Variants in SH2B2 observed in about 807,000 individuals in gnomAD.
SH2B2 encodes SH2B adapter protein 2.
Under a neutral mutation model 35.7 loss-of-function variants are expected in SH2B2, and 37 were observed. The ratio of observed to expected loss-of-function variants is 1.04; its 90% confidence interval spans 0.80 to 1.36. The LOEUF (loss-of-function observed/expected upper bound fraction) is 1.36, where lower values mean the gene tolerates loss of function less well. Ranked by LOEUF, SH2B2 falls within the 40% of genes most tolerant of loss-of-function variation. SH2B2 has a pLI of 0.00. For missense variants in SH2B2, 852 were observed against 817.7 expected (o/e 1.04, Z -0.51); for synonymous variants, 383 against 376.4 (o/e 1.02, Z -0.20).
At position 102,321,363 on chromosome 7, in the gene SH2B2, G is replaced by C. The variant is rs551876946; in HGVS notation, c.1632G>C (p.Gln544His). ...SPACWSDSPGQHYFSSLAAAA... is the reference protein window; with the variant it reads ...SPACWSDSPGHHYFSSLAAAA... ...CCTGCTGGAGCGACTCGCCCGGCCA[G>C]CACTACTTCTCCAGCCTCGCCGCGG... is the stretch of plus-strand genomic sequence containing the variant. Residue 544 changes from glutamine (Q) to histidine (H), a missense_variant, in exon 9 of 9, where the codon CAG (glutamine) becomes CAC (histidine). Gln to His is a conservative substitution (Grantham distance 24). Around this residue, in one of 3 missense-constraint regions of SH2B2, gnomAD observed 556 missense variants for 514.5 expected, o/e 1.08. Transcript: ENST00000444095. 415 of 1,433,072 alleles carry C rather than the reference G, an allele frequency of 2.9e-4. 6 individuals carry two copies. In the South Asian group the frequency reaches 3.3e-3, roughly 11 times the overall value. 88.8% of individuals were successfully genotyped at this position (1,433,072 alleles called of 1,614,324 possible). A position where few individuals can be genotyped will look rare whatever the true frequency, so the allele number is the denominator to read the frequency against.
rs1012795486 is a variant in SH2B2 at position 102,321,208 on chromosome 7, G to T, written c.1568-91G>T. ...TGGGCTGCAACTCGGAAACCTGAGC[G>T]TGGGCCCTGGCCCCTTGAGGGATCC... On this transcript the variant is annotated intron_variant, in intron 8 of 8. Transcript: ENST00000444095. 4.6e-5 allele frequency: 52 copies of T among 1,124,012 alleles called. No homozygotes were observed. The African/African-American group carries it at 7.6e-4, about 16-fold the overall frequency. The allele number at this position is 1,124,012 out of a possible 1,614,324, so 69.6% of individuals were successfully genotyped here.
chr7:102,313,072 A>G (rs1411145409), intron 4 of SH2B2, among the ~76,000 whole-genome samples: 8 of 148,720 alleles, frequency 5.4e-5, no homozygotes. Flanking sequence ...CAGAGGTTGC[A>G]GTGAGCCAGG....
chr7:102,304,201 G>A (rs767676778), intron 2 of SH2B2, among the ~76,000 whole-genome samples: 1 of 152,182 alleles, frequency 6.6e-6, no homozygotes, highest in Non-Finnish European at 1.5e-5. Flanking sequence ...CCTTGGAGCA[G>A]TCAGGAGCTC....
intron 4 of SH2B2, chr7:102,309,124 G>A (rs782752160): frequency 1.2e-5 from 8 of 661,204 alleles, no homozygotes; most frequent in Admixed American, 2.1e-5. Context: ...TGGGGCCAGG[G>A]CCTGGGGACC....
intron 1 of SH2B2, among the ~76,000 whole-genome samples, chr7:102,290,757 G>A (rs1792645257): frequency 1.3e-5 from 2 of 152,242 alleles, no homozygotes. Context: ...GGTTTTAACA[G>A]GGGCATGGCC....
intron 1 of SH2B2, among the ~76,000 whole-genome samples, chr7:102,288,594 G>A (rs1176420638): frequency 6.6e-6 from 1 of 152,130 alleles, no homozygotes; most frequent in Non-Finnish European, 1.5e-5. Flanking sequence ...TCCTAGGGAG[G>A]ACTTCTATAC....
chr7:102,312,107 C>A (rs1211167490), intron 4 of SH2B2, among the ~76,000 whole-genome samples: 1 of 149,776 alleles, frequency 6.7e-6, no homozygotes, highest in African/African-American at 2.5e-5. Flanking sequence ...GGCATGGTGG[C>A]TCATGCCTGT....
intron 7 of SH2B2, among the ~76,000 whole-genome samples, 180 bp downstream of exon 7, chr7:102,317,575 A>C (rs1326891839): frequency 6.6e-6 from 1 of 152,084 alleles, no homozygotes; most frequent in East Asian, 1.9e-4. Context: ...TCCCTCCTAC[A>C]CATCACTGAG....
chr7:102,310,120 A>G (rs1554555769), intron 4 of SH2B2, among the ~76,000 whole-genome samples: 1 of 152,208 alleles, frequency 6.6e-6, no homozygotes, highest in African/African-American at 2.4e-5. Context: ...GTTTGAGACC[A>G]GCCTGGCCAA....
chr7:102,305,162 C>T (rs1348217872), intron 2 of SH2B2, among the ~76,000 whole-genome samples: 1 of 152,236 alleles, frequency 6.6e-6, no homozygotes, highest in African/African-American at 2.4e-5. Context: ...GTCGGGGGCT[C>T]CAGGCCCTGC....
In SH2B2 at chr7:102,315,168, G is replaced by A. The variant is rs144708438; in HGVS notation, c.1186+486G>A. Among the ~76,000 whole-genome samples, 943 of 148,664 alleles carry A rather than the reference G, an allele frequency of 6.3e-3. 13 individuals carry two copies. Among genetic ancestry groups the A allele is most frequent in the African/African-American group, 0.023 (910 of 40,312 alleles). ...CACGCCACTGCACTCCAGCCTGGGC[G>A]ACAGAGTGAGACTATGTCTCAAAAA... On this transcript the variant is annotated intron_variant, in intron 6 of 8. Coordinates refer to ENST00000444095, the MANE Select transcript of SH2B2 (RefSeq NM_001359228.2).
rs558645863 is a variant in SH2B2 at position 102,287,726 on chromosome 7, T to C, written c.-30+632T>C. ...CATTCAGGCCCTTGGGCCTCGGCCA[T>C]TGATGAACCTGCGGGCTGCGCGGGC... On this transcript the variant is annotated intron_variant, in intron 1 of 8. Coordinates refer to ENST00000444095, the MANE Select transcript of SH2B2 (RefSeq NM_001359228.2). Among the ~76,000 whole-genome samples the C allele has an allele frequency of 2.6e-5, 4 of 152,154 alleles. No individual in the cohort carries two copies. In the South Asian group the frequency reaches 6.2e-4, roughly 24 times the overall value.
intron 2 of SH2B2, among the ~76,000 whole-genome samples, chr7:102,303,685 G>A (rs1793281323): frequency 6.6e-6 from 1 of 152,168 alleles, no homozygotes; most frequent in Non-Finnish European, 1.5e-5. Flanking sequence ...TCCACTCCTT[G>A]TCAGAAAGGG....
Position 102,301,184 on chromosome 7 carries a change from T to A in SH2B2, c.634T>A (p.Ser212Thr), listed in dbSNP as rs1373954222. The A allele has an allele frequency of 6.3e-7, 1 of 1,583,638 alleles. No individual in the cohort carries two copies. ...GGTGGCCGACGACGCGGCCGCGGGC[T>A]CCGGGGGCTCGGCTCAGTGGCAGAA... ...FMVADDAAAGSGGSAQWQKCR... is the reference protein window; with the variant it reads ...FMVADDAAAGTGGSAQWQKCR... The change falls in exon 2 of 9, where the codon TCC (serine) becomes ACC (threonine). Residue 212 changes from serine (S) to threonine (T), a missense_variant. By Grantham distance (58) the Ser-to-Thr change is moderately conservative. Coordinates refer to ENST00000444095, the MANE Select transcript of SH2B2 (RefSeq NM_001359228.2).
At chr7:102,302,223 A>G (rs1793221673) in intron 2 of SH2B2, among the ~76,000 whole-genome samples, 1 of 152,166 alleles carries the variant, frequency 6.6e-6, no homozygotes, top group South Asian at 2.1e-4. Flanking sequence ...CTGCAGCCCA[A>G]GGGTGCCTGG....
chr7:102,290,239 C>T (rs540322800), intron 1 of SH2B2, among the ~76,000 whole-genome samples: 1 of 52,494 alleles, frequency 1.9e-5, no homozygotes, highest in South Asian at 8.8e-4. Context: ...CTCCATACCC[C>T]CCTTTTTTTT....
chr7:102,286,102 G>C (rs1159711229), upstream of SH2B2, among the ~76,000 whole-genome samples: 1 of 152,248 alleles, frequency 6.6e-6, no homozygotes, highest in Non-Finnish European at 1.5e-5. Flanking sequence ...CCAGGCAGGG[G>C]TGAGGAAGGT....
intron 2 of SH2B2, among the ~76,000 whole-genome samples, chr7:102,301,537 C>CGTGT (rs139217859): frequency 7.4e-5 from 11 of 148,108 alleles, no homozygotes; most frequent in African/African-American, 1.5e-4. Context: ...TTTTTCTTTT[C>CGTGT]GTGTGTGTGT....
At chr7:102,287,968 C>T (rs1792520728) in intron 1 of SH2B2, among the ~76,000 whole-genome samples, 1 of 152,186 alleles carries the variant, frequency 6.6e-6, no homozygotes. Context: ...GGGAGAGCCT[C>T]AGGCTAGGCT....
Sources: allele counts gnomAD v4.1 joint callset (sites outside exome capture counted in the v4.1 genomes callset), GRCh38; gene constraint gnomAD v4.1.1; regional missense constraint gnomAD v4.1.1; transcripts MANE v1.5; gene names NCBI Gene and HGNC (gene_info 2026-07-23, HGNC 2026-07-21).